Variants in MTOR observed in about 807,000 individuals in gnomAD.
MTOR encodes the protein mechanistic target of rapamycin kinase.
A neutral mutation model predicts 319.8 loss-of-function variants in MTOR; 70 were observed. The ratio of observed to expected loss-of-function variants is 0.22; its 90% CI spans 0.18 to 0.27. MTOR has a LOEUF of 0.27. MTOR is among the 10% of genes least tolerant of loss of function. The pLI is 1.00. For missense variants in MTOR, 1,890 were observed against 3,274.4 expected (o/e 0.58, Z 10.32); for synonymous variants, 1,183 against 1,211.4 (o/e 0.98, Z 0.49).
At chr1:11,251,583 A>C (rs913017074) in intron 6 of MTOR, among the ~76,000 whole-genome samples, 2 of 151,818 alleles carry the variant, frequency 1.3e-5, no homozygotes, top group Non-Finnish European at 2.9e-5. Context: ...GGCATATACT[A>C]GGTGCTCAAT....
intron 28 of MTOR, among the ~76,000 whole-genome samples, chr1:11,187,480 C>T (rs908567126): frequency 2.0e-5 from 3 of 152,166 alleles, no homozygotes; most frequent in Non-Finnish European, 4.4e-5. Context: ...ATGCTGCCAC[C>T]GATCTGACAG....
chr1:11,145,177 G>T, intron 32 of MTOR, 132 bp from the exon 33 acceptor site: 1 of 762,916 alleles, frequency 1.3e-6, no homozygotes, highest in Non-Finnish European at 2.2e-6. Context: ...ATTCGCTGAA[G>T]AAGGGCATTT....
At chr1:11,261,182 A>G (rs1181175269) in intron 1 of MTOR, among the ~76,000 whole-genome samples, 2 of 151,892 alleles carry the variant, frequency 1.3e-5, no homozygotes, top group Non-Finnish European at 2.9e-5. Context: ...CTAGCTCTTC[A>G]AATGTAAGCT....
chr1:11,253,888 G>A lies in MTOR; in HGVS notation c.791C>T (p.Ala264Val), dbSNP rs1008735152. ...GACCAGCTCGTTAAGGATCAACAAG[G>A]CTCCATGGATCCGATCATCCCGATT... ...GMNRDDRIHG[A>V]LLILNELVRI... The change falls in exon 6 of 58, where the codon GCC (alanine) becomes GTC (valine). Residue 264 changes from alanine (A) to valine (V), a missense_variant. By Grantham distance (64) the Ala-to-Val change is moderately conservative. Coordinates refer to ENST00000361445, the MANE Select transcript of MTOR (RefSeq NM_004958.4). 3 of 1,614,034 alleles carry A rather than the reference G, an allele frequency of 1.9e-6. No homozygotes were observed. The East Asian group carries it at 6.7e-5, about 36-fold the overall frequency.
intron 13 of MTOR, among the ~76,000 whole-genome samples, chr1:11,237,637 T>C (rs563429117): frequency 6.6e-6 from 1 of 152,254 alleles, no homozygotes; most frequent in Non-Finnish European, 1.5e-5. Context: ...TAGAGTCATA[T>C]TGACAAAGGG....
chr1:11,251,715 C>G (rs1216619810), intron 6 of MTOR, among the ~76,000 whole-genome samples: 1 of 142,616 alleles, frequency 7.0e-6, no homozygotes, highest in Non-Finnish European at 1.5e-5. Context: ...TGGTCTCAAA[C>G]TCCTGAGCTC....
chr1:11,254,663 T>C (rs1650130734), intron 5 of MTOR, among the ~76,000 whole-genome samples: 2 of 152,180 alleles, frequency 1.3e-5, no homozygotes, highest in South Asian at 4.1e-4. Flanking sequence ...GGCCTCATTA[T>C]ACTAGAGCAG....
chr1:11,259,888 C>T (rs1650890714), intron 1 of MTOR, among the ~76,000 whole-genome samples: 1 of 151,966 alleles, frequency 6.6e-6, no homozygotes, highest in Non-Finnish European at 1.5e-5. Flanking sequence ...CGAGATCCTG[C>T]CACTGCACTG....
intron 10 of MTOR, 131 bp from the exon 11 acceptor site, chr1:11,240,678 A>G: frequency 8.3e-7 from 1 of 1,200,608 alleles, no homozygotes; most frequent in Non-Finnish European, 1.1e-6. Context: ...ATATTATAAA[A>G]TAAGAATAAA....
At chr1:11,160,499 A>T (rs1644446499) in intron 29 of MTOR, among the ~76,000 whole-genome samples, 1 of 152,218 alleles carries the variant, frequency 6.6e-6, no homozygotes, top group South Asian at 2.1e-4. Flanking sequence ...CCACAAAGAT[A>T]ACTCAGATCA....
At chr1:11,179,360 A>G (rs1168421199) in intron 28 of MTOR, among the ~76,000 whole-genome samples, 1 of 152,214 alleles carries the variant, frequency 6.6e-6, no homozygotes, top group Non-Finnish European at 1.5e-5. Context: ...TGTTATATAA[A>G]AATCAGAAGC....
Position 11,212,901 on chromosome 1 carries a change from G to A in MTOR, c.3293C>T (p.Ala1098Val), listed in dbSNP as rs1458396241. The change falls in exon 22 of 58, where the codon GCT (alanine) becomes GTT (valine). Residue 1098 changes from alanine to valine, a missense_variant. This residue lies in a region of MTOR where 377 missense variants were observed against 653.9 expected (regional missense o/e 0.58). Transcript: ENST00000361445. This position sits in a 1 kb window ranked among gnomAD's most constrained non-coding sequence, Gnocchi z 4.1. ...PGRIVSIKLL[A>V]AIQLFGANLD... ...GTTGGCGCCAAACAGCTGGATTGCA[G>A]CCAGTAACTGCAAAAGGGAGCAAAA... 6.2e-7 allele frequency: 1 copy of A among 1,613,748 alleles called. No homozygotes were observed. Among genetic ancestry groups the A allele is most frequent in the Admixed American group, 1.7e-5 (1 of 60,018 alleles).
At chr1:11,124,894 C>T (rs1642741838) in intron 46 of MTOR, among the ~76,000 whole-genome samples, 1 of 152,218 alleles carries the variant, frequency 6.6e-6, no homozygotes, top group Non-Finnish European at 1.5e-5. Flanking sequence ...TGGAAATGAT[C>T]ATTCCTGTTT....
Position 11,199,398 on chromosome 1 carries a change from G to A in MTOR, c.4113C>T (p.Pro1371=), listed in dbSNP as rs2100744490. 1 of 1,614,142 alleles carries A rather than the reference G, an allele frequency of 6.2e-7. No homozygotes were observed. The highest frequency in any genetic ancestry group is 8.5e-7 in the Non-Finnish European group (1 of 1,180,032). The change falls in exon 28 of 58, where the codon CCC becomes CCT. Residue 1371 remains proline (P), a synonymous_variant. Coordinates refer to ENST00000361445, the MANE Select transcript of MTOR (RefSeq NM_004958.4). This position sits in a 1 kb window ranked among gnomAD's most constrained non-coding sequence, Gnocchi z 4.5. ...TGCCATTGTCATCTCTCAGTGGCAG[G>A]GGGCCCTGGAGAAGAGCAAAACCTC... ...AEFMEHSDKG[P]LPLRDDNGIV...
intron 31 of MTOR, among the ~76,000 whole-genome samples, chr1:11,147,097 C>T (rs988918896): frequency 2.6e-5 from 4 of 152,212 alleles, no homozygotes; most frequent in Non-Finnish European, 4.4e-5. Flanking sequence ...GAATGCAGCA[C>T]CTCATTATCC....
Position 11,231,195 on chromosome 1 carries a change from AG to A in MTOR, c.2649+104del, listed in dbSNP as rs1036713384. ...TACATGAACAAAATTGGAGAGGGACAGGAAGTCTGACTGACACTGTCAGAGC... is the reference window on the plus strand; with the variant it reads ...TACATGAACAAAATTGGAGAGGGACAGAAGTCTGACTGACACTGTCAGAGC... On this transcript the variant is annotated intron_variant, in intron 17 of 57. Transcript: ENST00000361445. 2.3e-4 allele frequency: 363 copies of A among 1,582,952 alleles called. No individual in the cohort carries two copies. The African/African-American group carries it at 4.0e-3, about 18-fold the overall frequency.
intron 24 of MTOR, among the ~76,000 whole-genome samples, chr1:11,209,769 C>T (rs1256879234): frequency 6.6e-6 from 1 of 152,206 alleles, no homozygotes. Context: ...AGGTGGCAAA[C>T]AGCCCCCATC....
intron 36 of MTOR, 92 bp from the exon 37 acceptor site, chr1:11,134,558 C>A (rs755306383): frequency 6.8e-6 from 7 of 1,033,034 alleles, no homozygotes; most frequent in Non-Finnish European, 7.5e-6. Flanking sequence ...CATGAGTCAA[C>A]CCCTCTCCAA....
intron 15 of MTOR, 198 bp downstream of exon 15, chr1:11,233,200 A>G: frequency 2.4e-6 from 2 of 830,782 alleles, no homozygotes; most frequent in South Asian, 1.6e-5. Flanking sequence ...AAATGTCACC[A>G]CTATCTGGAG....
Sources: gnomAD v4.1 joint callset for allele counts (sites outside exome capture counted in the v4.1 genomes callset) on GRCh38, gnomAD v4.1.1 for gene constraint, gnomAD v4.1.1 regional missense constraint, Gnocchi (gnomAD v3.1) non-coding constraint, MANE v1.5 for transcripts, NCBI Gene and HGNC (gene_info 2026-07-23, HGNC 2026-07-21) for gene names.